RBPJ: variants seen among roughly 807,000 people sequenced by gnomAD.
The protein encoded by RBPJ is recombination signal binding protein for immunoglobulin kappa J region, also known as recombining binding protein suppressor of hairless.
RBPJ carries 9 observed loss-of-function variants against 67.8 expected under a neutral mutation model. The ratio of observed to expected loss-of-function variants is 0.13; its 90% CI spans 0.08 to 0.23. The LOEUF is 0.23. Ranked by LOEUF, RBPJ falls within the 10% of genes least tolerant of loss-of-function variation. RBPJ has a pLI of 1.00. For synonymous variants in RBPJ, 198 were observed against 203.3 expected, an observed-to-expected ratio of 0.97 and a Z score of 0.22; for missense variants, 305 against 595.6, an observed-to-expected ratio of 0.51 and a Z score of 5.08.
chr4:26,316,655 G>GATATATATATACACATATTGAT (rs1560258695), upstream of RBPJ, among the ~76,000 whole-genome samples: 74 of 110,262 alleles, frequency 6.7e-4, no homozygotes, highest in Non-Finnish European at 1.0e-3. Context: ...TACACATATT[G>GATATATATATACACATATTGAT]ATATATATAT....
Position 26,220,462 on chromosome 4 carries a change from T to C in RBPJ, c.-167+56848T>C, listed in dbSNP as rs573683431. ...GGCTCCTACAATGGGCCAGGCATCA[T>C]TGTAGGCACTTGGGGTATATTAGTG... On this transcript the variant is annotated intron_variant, in intron 1 of 4. Transcript: ENST00000512351. Among the ~76,000 whole-genome samples, 5 of 152,330 alleles carry C rather than the reference T, an allele frequency of 3.3e-5. No individual in the cohort carries two copies. In the South Asian group the frequency reaches 1.0e-3, roughly 32 times the overall value.
chr4:26,140,283 A>T, the RBPJ span, among the ~76,000 whole-genome samples: 1 of 152,198 alleles, frequency 6.6e-6, no homozygotes, highest in Non-Finnish European at 1.5e-5. Flanking sequence ...GGCACAAACC[A>T]CAAATGTACT....
At chr4:26,388,637 C>A (rs1731171487) in intron 2 of RBPJ, among the ~76,000 whole-genome samples, 1 of 151,980 alleles carries the variant, frequency 6.6e-6, no homozygotes, top group African/African-American at 2.4e-5. Flanking sequence ...CAAATTAAAT[C>A]TCTAAAGATG....
chr4:26,285,977 T>C lies in RBPJ; in HGVS notation c.-166-76469T>C, dbSNP rs1721449749. 7.1e-5 allele frequency among the ~76,000 whole-genome samples: 10 copies of C among 141,052 alleles called. No homozygotes were observed. The Admixed American group carries it at 7.4e-4, about 10-fold the overall frequency. 92.5% of individuals were successfully genotyped at this position (141,052 alleles called of 152,430 possible). Reference sequence around the variant, plus strand: ...ATTATTTTTAAAAATTAGCCGGGCTTAGTGGCGTATGCCTGTAGTCCTAGC... The same window carrying C: ...ATTATTTTTAAAAATTAGCCGGGCTCAGTGGCGTATGCCTGTAGTCCTAGC... On this transcript the variant is annotated intron_variant, in intron 1 of 4. Transcript: ENST00000512351.
intron 1 of RBPJ, among the ~76,000 whole-genome samples, chr4:26,281,249 G>A (rs1472049603): frequency 1.3e-5 from 2 of 152,062 alleles, no homozygotes; most frequent in African/African-American, 4.8e-5. Context: ...TTAGGATACT[G>A]TTTGAGAATC....
rs191046874 is a variant in RBPJ at position 26,241,574 on chromosome 4, C to T, written c.-167+77960C>T. 4.5e-3 allele frequency among the ~76,000 whole-genome samples: 682 copies of T among 152,064 alleles called. 7 individuals carry two copies. The highest frequency in any genetic ancestry group is 0.016 in the African/African-American group (659 of 41,446). On this transcript the variant is annotated intron_variant, in intron 1 of 4. Transcript: ENST00000512351. The stretch of plus-strand genomic sequence containing the variant: ...TCACCCAGGCTGGAGTACAGTGGCG[C>T]GATCCCTGCTCACTGCAACCTCTGC...
chr4:26,129,283 C>A, the RBPJ span, among the ~76,000 whole-genome samples: 1 of 152,156 alleles, frequency 6.6e-6, no homozygotes, highest in Admixed American at 6.5e-5. Flanking sequence ...TCCTACCCTG[C>A]CGTGAATCAT....
chr4:26,123,133 T>C, the RBPJ span, among the ~76,000 whole-genome samples: 12 of 152,296 alleles, frequency 7.9e-5, no homozygotes, highest in African/African-American at 2.9e-4. Flanking sequence ...TATATACTAG[T>C]GTACAAACCT....
chr4:26,425,957 G>GTT (rs1230256314), intron 7 of RBPJ, among the ~76,000 whole-genome samples: 92 of 142,120 alleles, frequency 6.5e-4, no homozygotes, highest in African/African-American at 2.2e-3. Context: ...CTTTGTTACT[G>GTT]TTTTTTTTTT....
At chr4:26,121,133 A>T in the RBPJ span, among the ~76,000 whole-genome samples, 1 of 151,988 alleles carries the variant, frequency 6.6e-6, no homozygotes, top group Non-Finnish European at 1.5e-5. Flanking sequence ...TCCTTTCAAA[A>T]TTTTCAGAAA....
At chr4:26,167,323 T>C (rs1716358471) in intron 1 of RBPJ, among the ~76,000 whole-genome samples, 1 of 152,194 alleles carries the variant, frequency 6.6e-6, no homozygotes, top group Admixed American at 6.5e-5. Context: ...GCCATTTTCA[T>C]GATATTGATT....
At chr4:26,351,419 G>T (rs570251471) in intron 1 of RBPJ, among the ~76,000 whole-genome samples, 7 of 152,278 alleles carry the variant, frequency 4.6e-5, no homozygotes, top group Admixed American at 4.6e-4. Context: ...TGGGGGGTGG[G>T]TGACTGGGTC....
rs55806116 is a variant in RBPJ, at chr4:26,210,727, C to CCTTCTTTCTTTCCTCCTTTA, written c.-167+47120_-167+47121insCTTTCCTCCTTTACTTCTTT. Among the ~76,000 whole-genome samples the CCTTCTTTCTTTCCTCCTTTA allele has an allele frequency of 5.5e-4, 34 of 61,772 alleles. 5 individuals are homozygous for CCTTCTTTCTTTCCTCCTTTA. The highest frequency in any genetic ancestry group is 9.3e-4 in the Non-Finnish European group (28 of 30,100). 40.5% of individuals were successfully genotyped at this position (61,772 alleles called of 152,430 possible). On this transcript the variant is annotated intron_variant, in intron 1 of 4. Transcript: ENST00000512351. Reference sequence around the variant, plus strand: ...TCTTTCCTTCTTTCCTTCTTTCTTTCCTTCTTTACTTCTTTCCTTCTTTCC... The same window carrying CCTTCTTTCTTTCCTCCTTTA: ...TCTTTCCTTCTTTCCTTCTTTCTTTCCTTCTTTCTTTCCTCCTTTACTTCTTTACTTCTTTCCTTCTTTCC...
At chr4:26,175,366 G>A (rs1362288116) in intron 1 of RBPJ, among the ~76,000 whole-genome samples, 1 of 151,886 alleles carries the variant, frequency 6.6e-6, no homozygotes, top group Non-Finnish European at 1.5e-5. Flanking sequence ...ACAAGCTGGG[G>A]GAGCTTGAGC....
chr4:26,156,131 G>A, the RBPJ span, among the ~76,000 whole-genome samples: 1 of 152,162 alleles, frequency 6.6e-6, no homozygotes, highest in East Asian at 1.9e-4. Context: ...ACTCATATTT[G>A]ACAGAGTATT....
intron 1 of RBPJ, among the ~76,000 whole-genome samples, chr4:26,294,182 C>T (rs1236505062): frequency 2.0e-5 from 3 of 152,108 alleles, no homozygotes; most frequent in African/African-American, 7.2e-5. Context: ...ACTGCAACCT[C>T]TGTCACCCGG....
At chr4:26,180,962 CCTA>C (rs1716962715) in intron 1 of RBPJ, among the ~76,000 whole-genome samples, 1 of 152,012 alleles carries the variant, frequency 6.6e-6, no homozygotes, top group African/African-American at 2.4e-5. Flanking sequence ...GTGAATAAGT[CCTA>C]CGAGATCTGA....
intron 1 of RBPJ, among the ~76,000 whole-genome samples, chr4:26,200,537 G>A (rs1204670773): frequency 1.3e-5 from 2 of 152,100 alleles, no homozygotes; most frequent in Admixed American, 1.3e-4. Context: ...TGGGAATGGT[G>A]GTGCATACCT....
chr4:26,415,319 T>A (rs1451209736), intron 3 of RBPJ, among the ~76,000 whole-genome samples, 156 bp from the exon 4 acceptor site: 1 of 152,220 alleles, frequency 6.6e-6, no homozygotes, highest in Non-Finnish European at 1.5e-5. Flanking sequence ...TGGGCATGAT[T>A]ATTTGCATTA....
Sources: allele counts gnomAD v4.1 joint callset (sites outside exome capture counted in the v4.1 genomes callset), GRCh38; gene constraint gnomAD v4.1.1; transcripts MANE v1.5; gene names NCBI Gene and HGNC (gene_info 2026-07-23, HGNC 2026-07-21).